Variants in MDGA2 observed in about 807,000 individuals in gnomAD.
The protein encoded by MDGA2 is MAM domain-containing glycosylphosphatidylinositol anchor protein 2.
In MDGA2, 40 loss-of-function variants were observed where a neutral mutation model predicts 117.8. That is an observed-to-expected ratio of 0.34 (90% confidence interval 0.26 to 0.44). MDGA2 has a LOEUF of 0.44. MDGA2 is among the 20% of genes least tolerant of loss of function. The pLI is 1.00. For missense variants in MDGA2, 1,123 were observed against 1,250.6 expected, an observed-to-expected ratio of 0.90 and a Z score of 1.54; for synonymous variants, 452 against 439.0, an observed-to-expected ratio of 1.03 and a Z score of -0.37.
At chr14:47,108,485 A>G (rs1419458150) in intron 5 of MDGA2, among the ~76,000 whole-genome samples, 3 of 152,154 alleles carry the variant, frequency 2.0e-5, no homozygotes, top group Non-Finnish European at 4.4e-5. Flanking sequence ...TCCTTGCCTT[A>G]ACTGATGACA....
At chr14:47,181,202 T>C (rs1261608494) in intron 3 of MDGA2, among the ~76,000 whole-genome samples, 1 of 152,148 alleles carries the variant, frequency 6.6e-6, no homozygotes, top group African/African-American at 2.4e-5. Flanking sequence ...CTGCATGCAT[T>C]AGGTGTTTGT....
At chr14:47,021,359 T>A (rs1888279606) in intron 8 of MDGA2, among the ~76,000 whole-genome samples, 1 of 152,140 alleles carries the variant, frequency 6.6e-6, no homozygotes, top group South Asian at 2.1e-4. Context: ...TCACAAGACA[T>A]CATCCTTTAT....
chr14:46,967,303 T>C (rs960136341), intron 8 of MDGA2, among the ~76,000 whole-genome samples: 6 of 152,168 alleles, frequency 3.9e-5, no homozygotes, highest in African/African-American at 1.2e-4. Context: ...ATTAGAGTGA[T>C]TTCCTCTCGA....
intron 1 of MDGA2, among the ~76,000 whole-genome samples, chr14:47,496,201 G>A (rs1021756397): frequency 5.9e-5 from 9 of 152,236 alleles, no homozygotes; most frequent in Non-Finnish European, 1.3e-4. Flanking sequence ...GCAGGTGGAA[G>A]AAGGAAAAAT....
chr14:46,887,405 C>A (rs933936456), intron 10 of MDGA2, among the ~76,000 whole-genome samples: 2 of 151,932 alleles, frequency 1.3e-5, no homozygotes, highest in Non-Finnish European at 1.5e-5. Flanking sequence ...TTTGTTTTCC[C>A]TGAATATACT....
intron 3 of MDGA2, among the ~76,000 whole-genome samples, chr14:47,196,147 C>G (rs1002933528): frequency 6.6e-6 from 1 of 151,968 alleles, no homozygotes; most frequent in Non-Finnish European, 1.5e-5. Context: ...CTTTTAGTTA[C>G]TTGTTTTCAG....
chr14:47,320,984 A>C (rs939049175), intron 1 of MDGA2, among the ~76,000 whole-genome samples: 1 of 152,222 alleles, frequency 6.6e-6, no homozygotes, highest in Non-Finnish European at 1.5e-5. Context: ...CAAGGGCTTC[A>C]TCGGCAGAGG....
intron 1 of MDGA2, among the ~76,000 whole-genome samples, chr14:47,369,294 C>A (rs989218501): frequency 6.1e-4 from 92 of 151,944 alleles, no homozygotes; most frequent in African/African-American, 2.0e-3. Flanking sequence ...AAATTTTAAA[C>A]AATTTTTAGA....
intron 8 of MDGA2, among the ~76,000 whole-genome samples, chr14:47,021,593 C>T (rs1888288328): frequency 6.6e-6 from 1 of 152,118 alleles, no homozygotes; most frequent in African/African-American, 2.4e-5. Context: ...TGTTGCAATG[C>T]AATTTTGTCA....
intron 4 of MDGA2, among the ~76,000 whole-genome samples, chr14:47,132,571 T>C (rs989379698): frequency 6.6e-6 from 1 of 151,876 alleles, no homozygotes; most frequent in Non-Finnish European, 1.5e-5. Flanking sequence ...AAGAAAGACT[T>C]TGTAAAAACA....
chr14:47,523,523 G>A (rs1894912361), intron 1 of MDGA2, among the ~76,000 whole-genome samples: 1 of 152,138 alleles, frequency 6.6e-6, no homozygotes, highest in Non-Finnish European at 1.5e-5. Flanking sequence ...AATACTTAGA[G>A]GTTAACATCT....
chr14:47,501,154 C>A (rs1001853605), intron 1 of MDGA2, among the ~76,000 whole-genome samples: 2 of 152,118 alleles, frequency 1.3e-5, no homozygotes, highest in Non-Finnish European at 2.9e-5. Context: ...CTGAATATTA[C>A]TACCAGTTTA....
intron 3 of MDGA2, among the ~76,000 whole-genome samples, chr14:47,158,302 A>C (rs1883483840): frequency 6.6e-6 from 1 of 151,876 alleles, no homozygotes; most frequent in South Asian, 2.1e-4. Flanking sequence ...TATGCTCTAC[A>C]ATGTTCATAC....
chr14:46,979,214 T>C (rs1208261494), intron 8 of MDGA2, among the ~76,000 whole-genome samples: 1 of 152,080 alleles, frequency 6.6e-6, no homozygotes, highest in Admixed American at 6.6e-5. Flanking sequence ...TACCGGGAAC[T>C]GCGCACATAT....
chr14:47,281,350 T>C (rs1888483182), intron 2 of MDGA2, among the ~76,000 whole-genome samples: 2 of 152,186 alleles, frequency 1.3e-5, no homozygotes, highest in Non-Finnish European at 2.9e-5. Context: ...ATACATTATG[T>C]ATTTTAGTGA....
intron 1 of MDGA2, among the ~76,000 whole-genome samples, chr14:47,340,912 G>A (rs138162624): frequency 2.4e-3 from 366 of 152,166 alleles, no homozygotes; most frequent in African/African-American, 8.1e-3. Flanking sequence ...AATTCATCCC[G>A]CTTTGTTATG....
At chr14:47,237,221 T>C (rs1337194954) in intron 2 of MDGA2, among the ~76,000 whole-genome samples, 1 of 152,006 alleles carries the variant, frequency 6.6e-6, no homozygotes, top group African/African-American at 2.4e-5. Flanking sequence ...TCCTAAAATC[T>C]AAAACACCTT....
intron 1 of MDGA2, among the ~76,000 whole-genome samples, chr14:47,371,588 G>A (rs1891360445): frequency 6.6e-6 from 1 of 151,548 alleles, no homozygotes; most frequent in African/African-American, 2.4e-5. Context: ...TTCCCTGTAT[G>A]GAATATCTCT....
chr14:47,624,417 C>T (rs1897104546), intron 1 of MDGA2, among the ~76,000 whole-genome samples: 1 of 152,140 alleles, frequency 6.6e-6, no homozygotes, highest in South Asian at 2.1e-4. Flanking sequence ...GAGATCACAG[C>T]ACCGCACTCC....
Sources: gnomAD v4.1 joint callset for allele counts (sites outside exome capture counted in the v4.1 genomes callset) on GRCh38, gnomAD v4.1.1 for gene constraint, MANE v1.5 for transcripts, NCBI Gene and HGNC (gene_info 2026-07-23, HGNC 2026-07-21) for gene names.